Variants in ENTREP2 observed in about 807,000 individuals in gnomAD.
ENTREP2 encodes the protein endosomal transmembrane epsin interactor 2, also known as protein ENTREP2.
chr15:29,274,593 A>G, the ENTREP2 span, among the ~76,000 whole-genome samples: 423 of 152,324 alleles, frequency 2.8e-3, 2 homozygotes, highest in African/African-American at 9.6e-3. Flanking sequence ...CCCAGTACCT[A>G]GCACAGTGCC....
chr15:29,348,577 A>C, the ENTREP2 span, among the ~76,000 whole-genome samples: 1 of 152,164 alleles, frequency 6.6e-6, no homozygotes, highest in Admixed American at 6.5e-5. Flanking sequence ...TCTTCGGAGC[A>C]TTTCCATTAC....
the ENTREP2 span, among the ~76,000 whole-genome samples, chr15:29,522,069 C>T: frequency 6.6e-6 from 1 of 152,134 alleles, no homozygotes; most frequent in East Asian, 1.9e-4. Context: ...AACTGGATAT[C>T]CATCTGGGGA....
At chr15:29,338,590 A>G in the ENTREP2 span, among the ~76,000 whole-genome samples, 1 of 151,816 alleles carries the variant, frequency 6.6e-6, no homozygotes, top group Non-Finnish European at 1.5e-5. Flanking sequence ...TGTCGCCTCC[A>G]TAGGGCACTG....
chr15:29,657,215 C>A, the ENTREP2 span, among the ~76,000 whole-genome samples: 1 of 146,568 alleles, frequency 6.8e-6, no homozygotes, highest in African/African-American at 2.5e-5. Flanking sequence ...GCCGCGCCAG[C>A]TTTTTTTTTT....
At chr15:29,413,023 T>C in the ENTREP2 span, among the ~76,000 whole-genome samples, 1 of 152,144 alleles carries the variant, frequency 6.6e-6, no homozygotes, top group African/African-American at 2.4e-5. Context: ...ATTTCTTCTT[T>C]GATTAATGAG....
At chr15:29,232,827 G>C in the ENTREP2 span, among the ~76,000 whole-genome samples, 2 of 152,168 alleles carry the variant, frequency 1.3e-5, no homozygotes, top group African/African-American at 4.8e-5. Flanking sequence ...TTTTTAAATA[G>C]AGGAAGTGAA....
the ENTREP2 span, among the ~76,000 whole-genome samples, chr15:29,521,193 G>A: frequency 1.3e-5 from 2 of 152,158 alleles, no homozygotes; most frequent in Non-Finnish European, 2.9e-5. Flanking sequence ...AGCCCAAAAT[G>A]TCAACACTCC....
chr15:29,453,805 T>G, the ENTREP2 span, among the ~76,000 whole-genome samples: 3 of 152,324 alleles, frequency 2.0e-5, no homozygotes, highest in Non-Finnish European at 4.4e-5. Flanking sequence ...ACATGAGACC[T>G]TCTCCAGGCC....
At chr15:29,410,778 CCA>C in the ENTREP2 span, among the ~76,000 whole-genome samples, 1 of 152,156 alleles carries the variant, frequency 6.6e-6, no homozygotes, top group Non-Finnish European at 1.5e-5. Context: ...TTTCGTTAGA[CCA>C]CAGAACTTAT....
the ENTREP2 span, among the ~76,000 whole-genome samples, chr15:29,323,387 C>G: frequency 1.3e-5 from 2 of 152,180 alleles, no homozygotes; most frequent in African/African-American, 4.8e-5. Context: ...GATAGCTGAA[C>G]ACACGGAGGT....
the ENTREP2 span, among the ~76,000 whole-genome samples, chr15:29,270,675 G>A: frequency 6.6e-6 from 1 of 152,080 alleles, no homozygotes; most frequent in Non-Finnish European, 1.5e-5. Context: ...AACACTGGGG[G>A]ATTTATCTCT....
At chr15:29,461,481 T>C in the ENTREP2 span, among the ~76,000 whole-genome samples, 3 of 152,142 alleles carry the variant, frequency 2.0e-5, no homozygotes, top group African/African-American at 7.2e-5. Flanking sequence ...ACCAGTTTTT[T>C]ATTTTTTTAT....
At chr15:29,415,135 C>A in the ENTREP2 span, among the ~76,000 whole-genome samples, 4 of 134,100 alleles carry the variant, frequency 3.0e-5, no homozygotes, top group Non-Finnish European at 1.7e-5. Context: ...ACAGTGAATC[C>A]CCCCTAACTC....
the ENTREP2 span, among the ~76,000 whole-genome samples, chr15:29,230,711 A>G: frequency 7.3e-3 from 1,109 of 152,210 alleles, 11 homozygotes; most frequent in African/African-American, 0.025. Flanking sequence ...GGGAAAGGAG[A>G]TTAGAGTGTT....
chr15:29,491,045 G>C, the ENTREP2 span, among the ~76,000 whole-genome samples: 1 of 152,178 alleles, frequency 6.6e-6, no homozygotes, highest in Non-Finnish European at 1.5e-5. Flanking sequence ...GAGGCCCCGC[G>C]AGAATTCGAG....
the ENTREP2 span, among the ~76,000 whole-genome samples, chr15:29,563,277 T>G: frequency 6.6e-6 from 1 of 152,348 alleles, no homozygotes; most frequent in Admixed American, 6.5e-5. Flanking sequence ...CCCTGGACAC[T>G]AATTATACAT....
the ENTREP2 span, among the ~76,000 whole-genome samples, chr15:29,391,669 G>C: frequency 6.6e-6 from 1 of 152,022 alleles, no homozygotes; most frequent in Non-Finnish European, 1.5e-5. Flanking sequence ...TCCTCTTACG[G>C]GTATCTACTC....
At chr15:29,238,001 A>G in the ENTREP2 span, among the ~76,000 whole-genome samples, 3 of 152,358 alleles carry the variant, frequency 2.0e-5, no homozygotes, top group East Asian at 3.9e-4. Flanking sequence ...AATCCACACT[A>G]TGGAATATTA....
the ENTREP2 span, among the ~76,000 whole-genome samples, chr15:29,257,188 C>T: frequency 1.3e-5 from 2 of 152,060 alleles, no homozygotes; most frequent in Non-Finnish European, 2.9e-5. Flanking sequence ...ATTCTCCTGC[C>T]TCAGCCTCTC....
Sources: gnomAD v4.1 joint callset for allele counts (sites outside exome capture counted in the v4.1 genomes callset) on GRCh38, gnomAD v4.1.1 for gene constraint, MANE v1.5 for transcripts, NCBI Gene and HGNC (gene_info 2026-07-23, HGNC 2026-07-21) for gene names.